Variants in MFHAS1 observed in about 807,000 individuals in gnomAD.
The protein encoded by MFHAS1 is multifunctional ROCO family signaling regulator 1, also known as malignant fibrous histiocytoma-amplified sequence 1.
Under a neutral mutation model 70.4 loss-of-function variants are expected in MFHAS1, and 50 were observed. The observed-to-expected ratio is 0.71, with a 90% confidence interval of 0.57 to 0.90. The LOEUF (loss-of-function observed/expected upper bound fraction) is 0.90. MFHAS1 is among the 40% of genes least tolerant of loss of function. The pLI is 0.00. For missense variants in MFHAS1, 1,795 were observed against 1,347.6 expected (o/e 1.33, Z -5.20); for synonymous variants, 952 against 620.0 (o/e 1.54, Z -7.96).
At chr8:8,815,732 C>T (rs1463023488) in intron 1 of MFHAS1, among the ~76,000 whole-genome samples, 2 of 152,158 alleles carry the variant, frequency 1.3e-5, no homozygotes, top group Non-Finnish European at 1.5e-5. Context: ...AACTCTCCTA[C>T]ACTGTGGGTG....
Position 8,783,838 on chromosome 8 carries a change from T to C in MFHAS1, c.*2184A>G, listed in dbSNP as rs1467071754. On this transcript the variant is annotated 3_prime_UTR_variant, in exon 3 of 3. Coordinates refer to ENST00000276282, the MANE Select transcript of MFHAS1 (RefSeq NM_004225.3). The stretch of plus-strand genomic sequence containing the variant: ...AGAGTCCTGTAGAGCAGAGTGATTT[T>C]TGTATCTCCAACCCTCCTCCCAACT... The C allele has an allele frequency of 1.3e-5, 2 of 152,148 alleles. No individual in the cohort carries two copies. Among genetic ancestry groups the C allele is most frequent in the Middle Eastern group, 3.2e-3 (1 of 316 alleles). 9.4% of individuals were successfully genotyped at this position (152,148 alleles called of 1,614,324 possible).
intron 1 of MFHAS1, among the ~76,000 whole-genome samples, chr8:8,840,141 A>G (rs887153106): frequency 1.3e-5 from 2 of 152,182 alleles, no homozygotes; most frequent in African/African-American, 2.4e-5. Flanking sequence ...CATTATTAGG[A>G]AGACTCCAGG....
At chr8:8,877,299 C>A (rs1408399652) in intron 1 of MFHAS1, among the ~76,000 whole-genome samples, 3 of 8,806 alleles carry the variant, frequency 3.4e-4, no homozygotes, top group Non-Finnish European at 5.3e-3. Flanking sequence ...GAGACCCTGC[C>A]TCAAAAAAAA....
chr8:8,824,227 C>G (rs1329509786), intron 1 of MFHAS1, among the ~76,000 whole-genome samples: 1 of 151,868 alleles, frequency 6.6e-6, no homozygotes, highest in Non-Finnish European at 1.5e-5. Flanking sequence ...CTGCGGGGAG[C>G]AGGATGCCTG....
chr8:8,826,177 A>G (rs565412886), intron 1 of MFHAS1, among the ~76,000 whole-genome samples: 1 of 152,128 alleles, frequency 6.6e-6, no homozygotes, highest in African/African-American at 2.4e-5. Context: ...CGGCCAGTCT[A>G]TTCCACAGAG....
At chr8:8,821,333 C>T (rs1367153874) in intron 1 of MFHAS1, among the ~76,000 whole-genome samples, 1 of 151,996 alleles carries the variant, frequency 6.6e-6, no homozygotes, top group Non-Finnish European at 1.5e-5. Flanking sequence ...AGCCTATTTC[C>T]ACCCTGCATT....
chr8:8,868,255 A>C (rs1361988333), intron 1 of MFHAS1, among the ~76,000 whole-genome samples: 1 of 151,828 alleles, frequency 6.6e-6, no homozygotes. Flanking sequence ...CTTACATGTA[A>C]ACTCTAGATG....
At chr8:8,829,620 G>A (rs967693365) in intron 1 of MFHAS1, among the ~76,000 whole-genome samples, 10 of 152,322 alleles carry the variant, frequency 6.6e-5, no homozygotes, top group Middle Eastern at 3.4e-3. Context: ...GGTGGAGGTT[G>A]CAGTGAGCCG....
intron 2 of MFHAS1, among the ~76,000 whole-genome samples, chr8:8,796,527 C>CA (rs1201617586): frequency 1.4e-5 from 2 of 147,232 alleles, no homozygotes; most frequent in East Asian, 4.0e-4. Context: ...ACTAAAAATA[C>CA]AAAAAAATTA....
rs776024190 is a variant in MFHAS1, at chr8:8,891,544, G to A, written c.1515C>T (p.Ala505=). ...GALYVLVVNL[A]TYEPRHFPTT... ...TAGGAAAGTGGCGAGGCTCATAGGT[G>A]GCCAAGTTGACCACCAGCACGTATA... is the stretch of plus-strand genomic sequence containing the variant. Residue 505 remains alanine, a synonymous_variant, in exon 1 of 3, where the codon GCC becomes GCT. Coordinates refer to ENST00000276282, the MANE Select transcript of MFHAS1 (RefSeq NM_004225.3). This position sits in a 1 kb window ranked among gnomAD's most constrained non-coding sequence, Gnocchi z 5.4. 25 of 1,613,118 alleles carry A rather than the reference G, an allele frequency of 1.5e-5. No individual in the cohort carries two copies. The South Asian group carries it at 2.1e-4, about 13-fold the overall frequency.
intron 1 of MFHAS1, among the ~76,000 whole-genome samples, chr8:8,820,265 G>C (rs184008162): frequency 1.0e-3 from 154 of 151,720 alleles, no homozygotes; most frequent in African/African-American, 3.6e-3. Flanking sequence ...AAGTCCCCAG[G>C]GTTGGGACTG....
intron 1 of MFHAS1, among the ~76,000 whole-genome samples, chr8:8,833,465 C>T (rs1368520421): frequency 1.3e-5 from 2 of 151,748 alleles, no homozygotes; most frequent in Admixed American, 6.6e-5. Flanking sequence ...CCCATGTCTA[C>T]AAAAAAATTA....
intron 1 of MFHAS1, among the ~76,000 whole-genome samples, chr8:8,882,353 G>A (rs1454181932): frequency 6.6e-6 from 1 of 152,152 alleles, no homozygotes; most frequent in East Asian, 1.9e-4. Context: ...TAGTGGCACT[G>A]CACTCCAGCC....
intron 1 of MFHAS1, among the ~76,000 whole-genome samples, chr8:8,846,931 T>C (rs776458112): frequency 1.3e-5 from 2 of 152,174 alleles, no homozygotes; most frequent in African/African-American, 4.8e-5. Context: ...ATTCAACAAA[T>C]GCTTGCAGAA....
chr8:8,788,387 T>C (rs1805621854), intron 2 of MFHAS1, among the ~76,000 whole-genome samples: 1 of 152,112 alleles, frequency 6.6e-6, no homozygotes, highest in African/African-American at 2.4e-5. Context: ...ATATAAAAAG[T>C]ACTGAGGAGA....
In MFHAS1 at chr8:8,836,268, G is replaced by C. The variant is rs115056107; in HGVS notation, c.2999-38777C>G. ...TTCTGACAAAATAATAGTTTGAGTA[G>C]CCTCAGGTTCTGGGTGGCGTCCCTC... is the stretch of plus-strand genomic sequence containing the variant. On this transcript the variant is annotated intron_variant, in intron 1 of 2. Coordinates refer to ENST00000276282, the MANE Select transcript of MFHAS1 (RefSeq NM_004225.3). 5.1e-3 allele frequency among the ~76,000 whole-genome samples: 779 copies of C among 152,274 alleles called. 14 individuals carry two copies. Among genetic ancestry groups the C allele is most frequent in the African/African-American group, 0.017 (721 of 41,560 alleles).
intron 1 of MFHAS1, among the ~76,000 whole-genome samples, chr8:8,859,039 T>A (rs1808561537): frequency 6.6e-6 from 1 of 152,162 alleles, no homozygotes; most frequent in South Asian, 2.1e-4. Flanking sequence ...TCAATAAGTT[T>A]GAAAAATGCT....
chr8:8,866,766 C>T (rs3827806), intron 1 of MFHAS1, among the ~76,000 whole-genome samples: 72,404 of 152,026 alleles, frequency 0.48, 18,052 homozygotes, highest in East Asian at 0.84. Context: ...ATGAATGGGA[C>T]GGAAACGGTT....
intron 1 of MFHAS1, among the ~76,000 whole-genome samples, chr8:8,806,581 C>A (rs1200650982): frequency 1.3e-5 from 2 of 152,170 alleles, no homozygotes; most frequent in Admixed American, 1.3e-4. Flanking sequence ...CCCAGATTAA[C>A]CCTGACACTA....
Sources: allele counts gnomAD v4.1 joint callset (sites outside exome capture counted in the v4.1 genomes callset), GRCh38; gene constraint gnomAD v4.1.1; non-coding constraint Gnocchi (gnomAD v3.1); transcripts MANE v1.5; gene names NCBI Gene and HGNC (gene_info 2026-07-23, HGNC 2026-07-21).